HSF2BP: variants seen among roughly 807,000 people sequenced by gnomAD.
HSF2BP encodes heat shock transcription factor 2 binding protein.
Under a neutral mutation model 35.0 loss-of-function variants are expected in HSF2BP, and 35 were observed. That is an observed-to-expected ratio of 1.00 (90% CI 0.76 to 1.32). The LOEUF is 1.32. Ranked by LOEUF, HSF2BP falls within the 40% of genes most tolerant of loss-of-function variation. The probability of loss-of-function intolerance (pLI) is 0.00; values close to 1 mark genes in which losing one functional copy is unlikely to be tolerated. For synonymous variants in HSF2BP, 114 were observed against 117.4 expected (o/e 0.97, Z 0.18); for missense variants, 326 against 321.7 (o/e 1.01, Z -0.10).
chr21:43,648,136 A>G (rs2082734243), intron 3 of HSF2BP, among the ~76,000 whole-genome samples: 2 of 152,074 alleles, frequency 1.3e-5, no homozygotes, highest in South Asian at 2.1e-4. Context: ...TTCTCTGTCC[A>G]TAAGCTCCCC....
intron 3 of HSF2BP, among the ~76,000 whole-genome samples, chr21:43,649,067 T>A (rs532873061): frequency 2.1e-4 from 32 of 152,078 alleles, no homozygotes; most frequent in East Asian, 5.8e-4. Context: ...TTAAAAAAAT[T>A]TTTTTGAGAT....
intron 6 of HSF2BP, 66 bp from the exon 7 acceptor site, chr21:43,614,013 G>A: frequency 8.7e-7 from 1 of 1,152,022 alleles, no homozygotes; most frequent in Non-Finnish European, 1.3e-6. Context: ...ATTTTGTGCA[G>A]AACAGAGTAT....
chr21:43,635,788 G>A (rs773029021), intron 4 of HSF2BP, among the ~76,000 whole-genome samples: 4 of 151,902 alleles, frequency 2.6e-5, no homozygotes, highest in Non-Finnish European at 4.4e-5. Context: ...ATGGTGGCAC[G>A]GGCCTGTAAT....
intron 8 of HSF2BP, among the ~76,000 whole-genome samples, chr21:43,585,684 T>C (rs1287938241): frequency 6.6e-6 from 1 of 151,382 alleles, no homozygotes; most frequent in African/African-American, 2.4e-5. Context: ...TGCTAGCTGG[T>C]GATCAGATTC....
chr21:43,631,303 C>T (rs980080433), intron 5 of HSF2BP, among the ~76,000 whole-genome samples: 6 of 152,158 alleles, frequency 3.9e-5, no homozygotes, highest in African/African-American at 1.4e-4. Flanking sequence ...GTCATGATCA[C>T]GCCATGCTCC....
At chr21:43,645,206 A>G (rs1478762222) in intron 3 of HSF2BP, among the ~76,000 whole-genome samples, 1 of 152,210 alleles carries the variant, frequency 6.6e-6, no homozygotes, top group Non-Finnish European at 1.5e-5. Flanking sequence ...TGATTAAAGT[A>G]GCGATGCTTT....
chr21:43,641,133 C>G (rs1409012000), intron 4 of HSF2BP, among the ~76,000 whole-genome samples: 1 of 152,126 alleles, frequency 6.6e-6, no homozygotes, highest in Non-Finnish European at 1.5e-5. Flanking sequence ...GCTGGGACTA[C>G]AGGCGCCCAC....
chr21:43,578,218 G>A (rs539562583), intron 8 of HSF2BP, among the ~76,000 whole-genome samples: 2 of 152,230 alleles, frequency 1.3e-5, no homozygotes, highest in African/African-American at 4.8e-5. Flanking sequence ...GCTAGGGCTG[G>A]CTCAGACCAT....
chr21:43,581,724 G>A (rs2081735329), intron 8 of HSF2BP, among the ~76,000 whole-genome samples: 1 of 152,212 alleles, frequency 6.6e-6, no homozygotes, highest in Non-Finnish European at 1.5e-5. Flanking sequence ...GCCCAGCTCA[G>A]AGCACACACC....
At chr21:43,625,467 T>C (rs2082378502) in intron 6 of HSF2BP, among the ~76,000 whole-genome samples, 1 of 152,086 alleles carries the variant, frequency 6.6e-6, no homozygotes, top group Non-Finnish European at 1.5e-5. Context: ...GCAGGAAGTC[T>C]GGGGGAAGGA....
At chr21:43,573,032 C>T (rs1187924553) in intron 8 of HSF2BP, among the ~76,000 whole-genome samples, 1 of 152,194 alleles carries the variant, frequency 6.6e-6, no homozygotes, top group African/African-American at 2.4e-5. Flanking sequence ...CCTTACGAGG[C>T]TCTAAGTGTT....
At chr21:43,653,835 T>C (rs2082829514) in intron 3 of HSF2BP, among the ~76,000 whole-genome samples, 1 of 151,796 alleles carries the variant, frequency 6.6e-6, no homozygotes, top group Non-Finnish European at 1.5e-5. Context: ...GATGCATCCA[T>C]GAAGTAACAC....
At position 43,597,405 on chromosome 21, in the gene HSF2BP, C is replaced by T. The variant is rs1427688101; in HGVS notation, c.693-5077G>A. On this transcript the variant is annotated intron_variant, in intron 7 of 8. Coordinates refer to ENST00000291560, the MANE Select transcript of HSF2BP (RefSeq NM_007031.2). The surrounding 1 kb of genome is among the most constrained non-coding windows in gnomAD (Gnocchi z 4.3). ...TAGGATGAGGAGAGTAAGCCACTTG[C>T]TTTGGGTGTAAATTTAAGGGAGTAT... Among the ~76,000 whole-genome samples the T allele has an allele frequency of 2.6e-5, 4 of 152,166 alleles. No homozygotes were observed. Among genetic ancestry groups the T allele is most frequent in the Non-Finnish European group, 4.4e-5 (3 of 68,038 alleles).
chr21:43,581,203 G>A (rs975804527), intron 8 of HSF2BP, among the ~76,000 whole-genome samples: 5 of 152,242 alleles, frequency 3.3e-5, no homozygotes, highest in East Asian at 1.9e-4. Context: ...TGGCTAACAC[G>A]GTGAAACCCT....
intron 4 of HSF2BP, among the ~76,000 whole-genome samples, chr21:43,637,387 G>T (rs550302787): frequency 6.6e-4 from 100 of 152,246 alleles, no homozygotes; most frequent in African/African-American, 2.3e-3. Context: ...ATCAGTGTTT[G>T]CCTGGGGCTG....
intron 8 of HSF2BP, among the ~76,000 whole-genome samples, chr21:43,577,258 C>T (rs2081655157): frequency 6.6e-6 from 1 of 152,176 alleles, no homozygotes; most frequent in African/African-American, 2.4e-5. Context: ...ATGTTACCTC[C>T]AATTATCACG....
At chr21:43,588,613 T>C (rs571042234) in intron 8 of HSF2BP, among the ~76,000 whole-genome samples, 1 of 152,284 alleles carries the variant, frequency 6.6e-6, no homozygotes, top group African/African-American at 2.4e-5. Flanking sequence ...CCTTACAGGG[T>C]ACTGACAGAC....
intron 8 of HSF2BP, among the ~76,000 whole-genome samples, chr21:43,572,149 AC>A (rs2081585538): frequency 6.6e-6 from 1 of 152,126 alleles, no homozygotes; most frequent in African/African-American, 2.4e-5. Context: ...GAGAGGGGAT[AC>A]CATCAGCCAG....
chr21:43,495,728 T>C, the HSF2BP span, among the ~76,000 whole-genome samples: 1 of 116,976 alleles, frequency 8.5e-6, no homozygotes, highest in South Asian at 2.8e-4. Context: ...AGATTCTCTC[T>C]GAAATGATTT....
Sources: gnomAD v4.1 joint callset for allele counts (sites outside exome capture counted in the v4.1 genomes callset) on GRCh38, gnomAD v4.1.1 for gene constraint, Gnocchi (gnomAD v3.1) non-coding constraint, MANE v1.5 for transcripts, NCBI Gene and HGNC (gene_info 2026-07-23, HGNC 2026-07-21) for gene names.